The following CLHC1 variants were observed in gnomAD, a reference collection of about 807,000 sequenced individuals.
CLHC1 encodes the protein clathrin heavy chain linker domain containing 1.
In CLHC1, 72 loss-of-function variants were observed where a neutral mutation model predicts 69.5. The ratio of observed to expected loss-of-function variants is 1.04; its 90% confidence interval spans 0.86 to 1.26. The LOEUF (loss-of-function observed/expected upper bound fraction) is 1.26. CLHC1 is among the 50% of genes most tolerant of loss of function. The pLI, the probability that CLHC1 is intolerant of heterozygous loss-of-function variation, is 0.00. For missense variants in CLHC1, 790 were observed against 679.3 expected (o/e 1.16, Z -1.81); for synonymous variants, 223 against 224.3 (o/e 0.99, Z 0.05).
intron 10 of CLHC1, among the ~76,000 whole-genome samples, chr2:55,181,007 G>A (rs1669883642): frequency 6.6e-6 from 1 of 152,026 alleles, no homozygotes. Flanking sequence ...TTTAGATTGA[G>A]TCTCGCTCTG....
At chr2:55,217,134 G>A (rs372127670) in intron 4 of CLHC1, among the ~76,000 whole-genome samples, 1 of 152,056 alleles carries the variant, frequency 6.6e-6, no homozygotes, top group East Asian at 1.9e-4. Context: ...GGCAGAGGTG[G>A]CAGTGGGCCA....
At chr2:55,188,775 C>T (rs1034187819) in intron 9 of CLHC1, among the ~76,000 whole-genome samples, 8 of 151,034 alleles carry the variant, frequency 5.3e-5, no homozygotes, top group African/African-American at 1.7e-4. Flanking sequence ...CATGTAGAAA[C>T]AAGGCTAAAT....
In CLHC1 at chr2:55,222,259, G is replaced by T. The variant is rs140454935; in HGVS notation, c.153C>A (p.Ile51=). ...SEEGPADEYY[I]IYRNVFDKVI... ...CCTTATCAAAAACATTTCGGTATAT[G>T]ATGTAATATTCATCAGCAGGTCCTT... Residue 51 remains isoleucine (I), a synonymous_variant, in exon 3 of 13, where the codon ATC becomes ATA. Coordinates refer to ENST00000401408, the MANE Select transcript of CLHC1 (RefSeq NM_152385.4). The T allele has an allele frequency of 4.5e-5, 73 of 1,612,876 alleles. No individual in the cohort carries two copies. In the African/African-American group the frequency reaches 8.5e-4, roughly 19 times the overall value.
At chr2:55,220,496 T>G (rs376721365) in intron 3 of CLHC1, among the ~76,000 whole-genome samples, 3 of 152,316 alleles carry the variant, frequency 2.0e-5, no homozygotes, top group African/African-American at 7.2e-5. Flanking sequence ...TTTACAATTA[T>G]GCAATGTGCA....
rs1673125885 is a variant in CLHC1 at position 55,212,696 on chromosome 2, T to C, written c.476A>G (p.Lys159Arg). ...ACCTGGAATAGGTTTTGAAGGATCT[T>C]TGGAGAAAGTACAATATTTTACTTC... ...TKEVKYCTFS[K>R]DPSKPIPGMT... Residue 159 changes from lysine to arginine, a missense_variant, in exon 5 of 13, where the codon AAA (lysine) becomes AGA (arginine). By Grantham distance (26) the Lys-to-Arg change is conservative. Transcript: ENST00000401408. 3 of 1,598,600 alleles carry C rather than the reference T, an allele frequency of 1.9e-6. No homozygotes were observed. Among genetic ancestry groups the C allele is most frequent in the Non-Finnish European group, 1.7e-6 (2 of 1,166,022 alleles).
chr2:55,212,858 C>T (rs774259443), intron 4 of CLHC1, 52 bp from the exon 5 acceptor site: 1 of 1,360,944 alleles, frequency 7.3e-7, no homozygotes, highest in Non-Finnish European at 1.0e-6. Flanking sequence ...AATTCTTGAA[C>T]CACAAAACCT....
chr2:55,222,465 C>G lies in CLHC1; in HGVS notation c.-54G>C. 7.1e-7 allele frequency: 1 copy of G among 1,414,682 alleles called. No individual in the cohort carries two copies. Among genetic ancestry groups the G allele is most frequent in the Non-Finnish European group, 9.6e-7 (1 of 1,046,472 alleles). 87.6% of individuals were successfully genotyped at this position (1,414,682 alleles called of 1,614,324 possible). A position where few individuals can be genotyped will look rare whatever the true frequency, so the allele number is the denominator to read the frequency against. ...AAGAACAGCTAAATCTTGACCTGCT[C>G]TTGCAACAAAGCCAAAACTTTGATA... On this transcript the variant is annotated 5_prime_UTR_variant, in exon 3 of 13. Coordinates refer to ENST00000401408, the MANE Select transcript of CLHC1 (RefSeq NM_152385.4).
chr2:55,213,065 T>G (rs1002181092), intron 4 of CLHC1, among the ~76,000 whole-genome samples: 1 of 152,210 alleles, frequency 6.6e-6, no homozygotes, highest in Non-Finnish European at 1.5e-5. Context: ...AACTATTCTC[T>G]TTAGTAGAAA....
chr2:55,219,358 T>C (rs970988995), intron 3 of CLHC1, among the ~76,000 whole-genome samples: 8 of 152,162 alleles, frequency 5.3e-5, no homozygotes, highest in African/African-American at 1.4e-4. Context: ...AGTAGAAATA[T>C]GCAAACTGGC....
rs1205401338 is a variant in CLHC1 at position 55,232,230 on chromosome 2, C to G, written c.-263G>C. On this transcript the variant is annotated 5_prime_UTR_variant, in exon 1 of 13. Coordinates refer to ENST00000401408, the MANE Select transcript of CLHC1 (RefSeq NM_152385.4). ...TATTCCGCTTCATCCTACCTCCAGTCCTCACCTGAGTCCTTTTCTCCAAAC... is the reference window on the plus strand; with the variant it reads ...TATTCCGCTTCATCCTACCTCCAGTGCTCACCTGAGTCCTTTTCTCCAAAC... 1 of 177,496 alleles carries G rather than the reference C, an allele frequency of 5.6e-6. No individual in the cohort carries two copies. Among genetic ancestry groups the G allele is most frequent in the Non-Finnish European group, 1.2e-5 (1 of 81,122 alleles). The allele number at this position is 177,496 out of a possible 1,614,324, so 11.0% of individuals were successfully genotyped here.
Position 55,227,473 on chromosome 2 carries a change from T to A in CLHC1, c.-83+559A>T, listed in dbSNP as rs1410617289. Among the ~76,000 whole-genome samples the A allele has an allele frequency of 3.9e-4, 58 of 148,236 alleles. 1 individual carries two copies. Among genetic ancestry groups the A allele is most frequent in the Admixed American group, 3.8e-3 (57 of 14,892 alleles). ...GGCAGGCAGATCACGAGATCAGGAG[T>A]TCAAGACCAGTCTGACCAACATGGT... On this transcript the variant is annotated intron_variant, in intron 2 of 12. Coordinates refer to ENST00000401408, the MANE Select transcript of CLHC1 (RefSeq NM_152385.4).
At chr2:55,185,088 A>G (rs1670303860) in intron 9 of CLHC1, among the ~76,000 whole-genome samples, 1 of 152,158 alleles carries the variant, frequency 6.6e-6, no homozygotes, top group African/African-American at 2.4e-5. Context: ...AATAATGGTA[A>G]AGGGATTTCA....
At chr2:55,193,405 G>A (rs1221747108) in intron 9 of CLHC1, among the ~76,000 whole-genome samples, 2 of 151,810 alleles carry the variant, frequency 1.3e-5, no homozygotes, top group African/African-American at 4.8e-5. Flanking sequence ...ATCAAATAGG[G>A]TTTTAATTCA....
Position 55,173,506 on chromosome 2 carries a change from A to G in CLHC1, c.*2284T>C, listed in dbSNP as rs778660567. ...TTACTGAATTTTAGAGTTGGAAATG[A>G]CAAGAGGAGGTATCTAGTCAAAATA... On this transcript the variant is annotated 3_prime_UTR_variant, in exon 13 of 13. Coordinates refer to ENST00000401408, the MANE Select transcript of CLHC1 (RefSeq NM_152385.4). Among the ~76,000 whole-genome samples, 1 of 152,212 alleles carries G rather than the reference A, an allele frequency of 6.6e-6. No individual in the cohort carries two copies. The highest frequency in any genetic ancestry group is 2.4e-5 in the African/African-American group (1 of 41,446).
chr2:55,208,614 T>G lies in CLHC1; in HGVS notation c.899+12A>C. 1 of 1,543,140 alleles carries G rather than the reference T, an allele frequency of 6.5e-7. No homozygotes were observed. The highest frequency in any genetic ancestry group is 8.9e-7 in the Non-Finnish European group (1 of 1,118,288). ...TATAATTCTGAAAAATTAAAGCTTT[T>G]AAAATATTTGCCTTTCAATGTAGTG... On this transcript the variant is annotated intron_variant, in intron 8 of 12. Coordinates refer to ENST00000401408, the MANE Select transcript of CLHC1 (RefSeq NM_152385.4).
intron 5 of CLHC1, 150 bp from the exon 6 acceptor site, chr2:55,209,981 T>C: frequency 5.3e-6 from 3 of 566,670 alleles, no homozygotes; most frequent in Admixed American, 7.0e-5. Context: ...TAAGTAAAAT[T>C]AGCATAAACT....
intron 4 of CLHC1, 145 bp from the exon 5 acceptor site, chr2:55,212,951 C>T (rs756806713): frequency 1.1e-4 from 69 of 623,674 alleles, no homozygotes; most frequent in Non-Finnish European, 1.9e-4. Context: ...TCTAGCCTCA[C>T]AAATGAGGAA....
At chr2:55,203,584 G>A (rs1672164868) in intron 9 of CLHC1, among the ~76,000 whole-genome samples, 1 of 152,108 alleles carries the variant, frequency 6.6e-6, no homozygotes, top group African/African-American at 2.4e-5. Flanking sequence ...TCAGTAAATG[G>A]TGCTGGGAAA....
Position 55,175,086 on chromosome 2 carries a change from G to A in CLHC1, c.*704C>T, listed in dbSNP as rs575121242. 2.6e-5 allele frequency: 4 copies of A among 152,136 alleles called. No homozygotes were observed. In the East Asian group the frequency reaches 7.7e-4, roughly 29 times the overall value. The allele number at this position is 152,136 out of a possible 1,614,324, so 9.4% of individuals were successfully genotyped here. A position where few individuals can be genotyped will look rare whatever the true frequency, so the allele number is the denominator to read the frequency against. On this transcript the variant is annotated 3_prime_UTR_variant, in exon 13 of 13. Coordinates refer to ENST00000401408, the MANE Select transcript of CLHC1 (RefSeq NM_152385.4). ...TAATATTACACCTGTCCATGGCACAGAACTTTCAGAGTTTTCAATCAAATA... is the reference window on the plus strand; with the variant it reads ...TAATATTACACCTGTCCATGGCACAAAACTTTCAGAGTTTTCAATCAAATA...
Sources: allele counts gnomAD v4.1 joint callset (sites outside exome capture counted in the v4.1 genomes callset), GRCh38; gene constraint gnomAD v4.1.1; transcripts MANE v1.5; gene names NCBI Gene and HGNC (gene_info 2026-07-23, HGNC 2026-07-21).